The following IQGAP2 variants were observed in gnomAD, a reference collection of about 807,000 sequenced individuals.
The protein encoded by IQGAP2 is IQ motif containing GTPase activating protein 2.
IQGAP2 carries 173 observed loss-of-function variants against 201.3 expected under a neutral mutation model. That is an observed-to-expected ratio of 0.86 (90% CI 0.76 to 0.98). The LOEUF is 0.98. Among genes scored for constraint, IQGAP2 ranks in the 50% least tolerant of loss-of-function variants. The pLI is 0.00. For synonymous variants in IQGAP2, 675 were observed against 673.9 expected (o/e 1.00, Z -0.03); for missense variants, 1,687 against 1,864.8 (o/e 0.90, Z 1.76).
chr5:76,447,811 T>A (rs1223353886), intron 1 of IQGAP2, among the ~76,000 whole-genome samples: 1 of 152,218 alleles, frequency 6.6e-6, no homozygotes, highest in African/African-American at 2.4e-5. Flanking sequence ...TGGGAACCCC[T>A]TCTATTTTAA....
chr5:76,650,451 T>G (rs772374985), intron 17 of IQGAP2, among the ~76,000 whole-genome samples: 4 of 152,180 alleles, frequency 2.6e-5, no homozygotes, highest in South Asian at 4.1e-4. Context: ...AGGTACAGAT[T>G]GTTTGCATAG....
intron 2 of IQGAP2, among the ~76,000 whole-genome samples, chr5:76,517,860 C>T (rs550501747): frequency 6.6e-6 from 1 of 152,274 alleles, no homozygotes; most frequent in East Asian, 1.9e-4. Context: ...GATGGTAGGG[C>T]TGCTGCTTTT....
At chr5:76,590,324 T>C (rs2270908) in intron 7 of IQGAP2, 84 bp from the exon 8 acceptor site, 64,420 of 1,071,134 alleles carry the variant, frequency 0.06, 5,868 homozygotes, top group East Asian at 0.44. Flanking sequence ...GTAAAACTGC[T>C]TGAGTTTACA....
In IQGAP2 at chr5:76,403,698, G is replaced by A; in HGVS notation, c.46+107G>A. 1.0e-6 allele frequency: 1 copy of A among 969,892 alleles called. No homozygotes were observed. The highest frequency in any genetic ancestry group is 1.7e-5 in the African/African-American group (1 of 58,036). The allele number at this position is 969,892 out of a possible 1,614,324, so 60.1% of individuals were successfully genotyped here. The stretch of plus-strand genomic sequence containing the variant: ...CCGGTTGCGCGGCGCAGAGGAAATT[G>A]GAAGGCAGCAACTGCGCGGCTGGCA... On this transcript the variant is annotated intron_variant, in intron 1 of 35. Coordinates refer to ENST00000274364, the MANE Select transcript of IQGAP2 (RefSeq NM_006633.5). The surrounding 1 kb of genome is among the most constrained non-coding windows in gnomAD (Gnocchi z 4.8).
intron 15 of IQGAP2, 122 bp downstream of exon 15, chr5:76,632,148 A>C: frequency 1.2e-6 from 1 of 847,046 alleles, no homozygotes; most frequent in Non-Finnish European, 1.7e-6. Context: ...ATTTTTTGTC[A>C]TCTATGGCTA....
In IQGAP2 at chr5:76,575,751, A is replaced by T; in HGVS notation, c.440A>T (p.Tyr147Phe). Reference protein sequence around the residue: ...YDRKNIPRMIYCIHALSLYLF... With the variant: ...YDRKNIPRMIFCIHALSLYLF... ...CGGAAAAACATACCAAGAATGATATATTGCATTCACGCACTGAGGTAGGGG... is the reference window on the plus strand; with the variant it reads ...CGGAAAAACATACCAAGAATGATATTTTGCATTCACGCACTGAGGTAGGGG... Residue 147 changes from tyrosine (Y) to phenylalanine (F), a missense_variant, in exon 5 of 36, where the codon TAT (tyrosine) becomes TTT (phenylalanine). Transcript: ENST00000274364. The T allele has an allele frequency of 6.3e-7, 1 of 1,587,916 alleles. No homozygotes were observed. The highest frequency in any genetic ancestry group is 1.2e-5 in the South Asian group (1 of 86,558).
At position 76,562,556 on chromosome 5, in the gene IQGAP2, A is replaced by C; in HGVS notation, c.303+4A>C. On this transcript the variant is annotated splice_donor_region_variant and intron_variant, in intron 3 of 35. Coordinates refer to ENST00000274364, the MANE Select transcript of IQGAP2 (RefSeq NM_006633.5). Reference sequence around the variant, plus strand: ...TGTGGAACAAACACGTTATAAGGTAACCAAGATCTAATTGGTTTTGGCTTC... The same window carrying C: ...TGTGGAACAAACACGTTATAAGGTACCCAAGATCTAATTGGTTTTGGCTTC... 6.2e-7 allele frequency: 1 copy of C among 1,609,604 alleles called. No individual in the cohort carries two copies. Among genetic ancestry groups the C allele is most frequent in the Admixed American group, 1.7e-5 (1 of 59,388 alleles).
intron 2 of IQGAP2, among the ~76,000 whole-genome samples, chr5:76,537,073 T>A (rs1404085492): frequency 6.6e-6 from 1 of 152,216 alleles, no homozygotes; most frequent in Non-Finnish European, 1.5e-5. Flanking sequence ...GAGGGCAAAG[T>A]TTGTGAACAC....
At chr5:76,532,802 G>A (rs879272805) in intron 2 of IQGAP2, among the ~76,000 whole-genome samples, 2 of 152,232 alleles carry the variant, frequency 1.3e-5, no homozygotes, top group Non-Finnish European at 2.9e-5. Context: ...AACACCCACA[G>A]CCTCTGAGAG....
At chr5:76,672,133 A>G (rs529013962) in intron 24 of IQGAP2, 150 bp downstream of exon 24, 2 of 633,818 alleles carry the variant, frequency 3.2e-6, no homozygotes, top group Admixed American at 2.9e-5. Flanking sequence ...ATCCATGCAA[A>G]TTACATCTTG....
intron 13 of IQGAP2, chr5:76,615,811 A>G (rs1320686134): frequency 3.3e-5 from 5 of 152,626 alleles, no homozygotes. Flanking sequence ...CTAAGAAAAA[A>G]AATAGTGGAG....
rs1032628690 is a variant in IQGAP2 at position 76,600,739 on chromosome 5, G to A, written c.1072-73G>A. On this transcript the variant is annotated intron_variant, in intron 10 of 35. Coordinates refer to ENST00000274364, the MANE Select transcript of IQGAP2 (RefSeq NM_006633.5). The stretch of plus-strand genomic sequence containing the variant: ...GACTTTTTGTTGTTTGTTGAAATGT[G>A]CATTGTAAACCTCCATCATGCACAT... 5 of 1,533,232 alleles carry A rather than the reference G, an allele frequency of 3.3e-6. No individual in the cohort carries two copies. In the Admixed American group the frequency reaches 5.5e-5, roughly 17 times the overall value. The allele number at this position is 1,533,232 out of a possible 1,614,324, so 95.0% of individuals were successfully genotyped here.
At chr5:76,533,482 A>G (rs749812561) in intron 2 of IQGAP2, among the ~76,000 whole-genome samples, 2 of 151,700 alleles carry the variant, frequency 1.3e-5, no homozygotes, top group Non-Finnish European at 2.9e-5. Context: ...GAGCATTTTA[A>G]TTTTTCTTTC....
intron 23 of IQGAP2, among the ~76,000 whole-genome samples, chr5:76,669,551 C>A (rs1177015693): frequency 6.6e-6 from 1 of 152,118 alleles, no homozygotes; most frequent in East Asian, 1.9e-4. Flanking sequence ...AGGAAAGATT[C>A]CAACTAGGTT....
At chr5:76,480,819 G>T (rs530846605) in intron 2 of IQGAP2, among the ~76,000 whole-genome samples, 1 of 152,270 alleles carries the variant, frequency 6.6e-6, no homozygotes, top group East Asian at 1.9e-4. Context: ...AGTCTCTTGT[G>T]CCCCTATAAC....
intron 2 of IQGAP2, among the ~76,000 whole-genome samples, chr5:76,496,708 C>CTT (rs1202433631): frequency 1.0e-4 from 2 of 19,078 alleles, no homozygotes; most frequent in Non-Finnish European, 2.3e-4. Flanking sequence ...CTGTCTCTTT[C>CTT]TTTCTTTCTT....
chr5:76,572,263 G>A (rs1191309533), intron 4 of IQGAP2, among the ~76,000 whole-genome samples: 2 of 144,588 alleles, frequency 1.4e-5, no homozygotes, highest in East Asian at 2.0e-4. Context: ...ACCCAAGCTC[G>A]GGTGCATTGG....
Position 76,494,479 on chromosome 5 carries a change from T to G in IQGAP2, c.146+32810T>G, listed in dbSNP as rs1580315987. ...ACAGTGACAAGTTCTCCATCATTAT[T>G]ATCTTGGGGGAATTTCAGATACCCC... is the stretch of plus-strand genomic sequence containing the variant. On this transcript the variant is annotated intron_variant, in intron 2 of 35. Transcript: ENST00000274364. Among the ~76,000 whole-genome samples, 4 of 152,176 alleles carry G rather than the reference T, an allele frequency of 2.6e-5. No individual in the cohort carries two copies. In the East Asian group the frequency reaches 7.7e-4, roughly 29 times the overall value.
At chr5:76,616,164 C>G (rs1416621979) in intron 13 of IQGAP2, 1 of 152,168 alleles carries the variant, frequency 6.6e-6, no homozygotes, top group Non-Finnish European at 1.5e-5. Context: ...TATATAAATG[C>G]CATAATAAAA....
Sources: gnomAD v4.1 joint callset for allele counts (sites outside exome capture counted in the v4.1 genomes callset) on GRCh38, gnomAD v4.1.1 for gene constraint, Gnocchi (gnomAD v3.1) non-coding constraint, MANE v1.5 for transcripts, NCBI Gene and HGNC (gene_info 2026-07-23, HGNC 2026-07-21) for gene names.